Variants in PDE4D observed in about 807,000 individuals in gnomAD.
The protein encoded by PDE4D is phosphodiesterase 4D.
Under a neutral mutation model 87.4 loss-of-function variants are expected in PDE4D, and 24 were observed. The ratio of observed to expected loss-of-function variants is 0.27; its 90% CI spans 0.20 to 0.39. PDE4D has a LOEUF of 0.39. Ranked by LOEUF, PDE4D falls within the 10% of genes least tolerant of loss-of-function variation. The pLI, the probability that PDE4D is intolerant of heterozygous loss-of-function variation, is 1.00. For synonymous variants in PDE4D, 384 were observed against 383.2 expected, an observed-to-expected ratio of 1.00 and a Z score of -0.02; for missense variants, 714 against 1,041.0, an observed-to-expected ratio of 0.69 and a Z score of 4.32.
chr5:59,513,636 G>T (rs1256939978), intron 1 of PDE4D, among the ~76,000 whole-genome samples: 1 of 150,960 alleles, frequency 6.6e-6, no homozygotes, highest in Non-Finnish European at 1.5e-5. Context: ...ACGTAGCATA[G>T]AAAAAAAAAT....
intron 1 of PDE4D, among the ~76,000 whole-genome samples, chr5:59,832,488 A>G (rs545463804): frequency 8.5e-5 from 13 of 152,216 alleles, no homozygotes; most frequent in South Asian, 4.1e-4. Flanking sequence ...ACATTTACAC[A>G]CTGCCTAAAC....
intron 2 of PDE4D, among the ~76,000 whole-genome samples, chr5:60,095,184 T>C (rs1178184820): frequency 6.6e-6 from 1 of 152,160 alleles, no homozygotes; most frequent in Admixed American, 6.6e-5. Context: ...TTTCTCCTAA[T>C]GTTATCCTTC....
intron 1 of PDE4D, among the ~76,000 whole-genome samples, chr5:59,556,517 C>T (rs1423528463): frequency 6.6e-6 from 1 of 152,264 alleles, no homozygotes; most frequent in Admixed American, 6.5e-5. Context: ...TTGACTATTA[C>T]AGCACTCACT....
intron 5 of PDE4D, among the ~76,000 whole-genome samples, chr5:59,170,921 G>T (rs182886001): frequency 2.8e-4 from 35 of 125,096 alleles, no homozygotes; most frequent in Admixed American, 1.7e-3. Flanking sequence ...CTCTCTTGTT[G>T]CCCAGGCTAG....
At chr5:60,513,702 AG>A (rs1750673239) in intron 1 of PDE4D, among the ~76,000 whole-genome samples, 1 of 151,964 alleles carries the variant, frequency 6.6e-6, no homozygotes, top group Non-Finnish European at 1.5e-5. Context: ...TTTAGAAATT[AG>A]GTAATATATT....
Position 59,480,058 on chromosome 5 carries a change from A to C in PDE4D, c.456-264090T>G, listed in dbSNP as rs530768863. ...GATTGGTCTCTTGGTCTCCCAACTT[A>C]CAGGAGACATTTTTTGGAGGTTGTA... On this transcript the variant is annotated intron_variant, in intron 1 of 14. Transcript: ENST00000340635. 3.9e-5 allele frequency among the ~76,000 whole-genome samples: 6 copies of C among 152,088 alleles called. No individual in the cohort carries two copies. In the South Asian group the frequency reaches 1.2e-3, roughly 32 times the overall value.
chr5:59,443,265 G>GA (rs965716851), intron 1 of PDE4D, among the ~76,000 whole-genome samples: 2 of 151,738 alleles, frequency 1.3e-5, no homozygotes, highest in Admixed American at 1.3e-4. Flanking sequence ...CAGAATGCCT[G>GA]AAAAAAAATT....
intron 1 of PDE4D, among the ~76,000 whole-genome samples, chr5:59,708,298 C>T (rs1472523881): frequency 6.6e-6 from 1 of 151,918 alleles, no homozygotes; most frequent in African/African-American, 2.4e-5. Context: ...ACAAACCCCA[C>T]AGCTAGTAGA....
intron 2 of PDE4D, among the ~76,000 whole-genome samples, chr5:60,065,871 T>C (rs1459350088): frequency 2.0e-5 from 3 of 152,216 alleles, no homozygotes; most frequent in African/African-American, 7.2e-5. Context: ...TCTTTGCTAT[T>C]GTGAATAGTG....
rs1032880918 is a variant in PDE4D, at chr5:59,393,601, A to C, written c.456-177633T>G. Among the ~76,000 whole-genome samples the C allele has an allele frequency of 7.2e-5, 11 of 152,248 alleles. 1 individual carries two copies. The highest frequency in any genetic ancestry group is 2.1e-4 in the South Asian group (1 of 4,830). The stretch of plus-strand genomic sequence containing the variant: ...GTCTTACATTATAAATGACAACACC[A>C]ATATTTAGGGACGTTCCTCTTTTTT... On this transcript the variant is annotated intron_variant, in intron 1 of 14. Coordinates refer to ENST00000340635, the MANE Select transcript of PDE4D (RefSeq NM_001104631.2).
At chr5:59,797,769 G>A (rs998945158) in intron 1 of PDE4D, among the ~76,000 whole-genome samples, 1 of 152,050 alleles carries the variant, frequency 6.6e-6, no homozygotes, top group African/African-American at 2.4e-5. Flanking sequence ...TCTTCATAGG[G>A]ATTATTGGAG....
intron 5 of PDE4D, among the ~76,000 whole-genome samples, chr5:59,117,856 A>G (rs1029334956): frequency 2.0e-5 from 3 of 151,226 alleles, no homozygotes; most frequent in Non-Finnish European, 4.4e-5. Flanking sequence ...AAAAGGAGGA[A>G]GGAGAACTGG....
chr5:60,212,627 G>T (rs1326222100), intron 1 of PDE4D, among the ~76,000 whole-genome samples: 1 of 152,198 alleles, frequency 6.6e-6, no homozygotes, highest in African/African-American at 2.4e-5. Flanking sequence ...ACAGAGGGCA[G>T]ACAAGCAAAG....
chr5:59,022,128 T>C (rs1308893897), intron 6 of PDE4D, among the ~76,000 whole-genome samples: 1 of 152,220 alleles, frequency 6.6e-6, no homozygotes, highest in Non-Finnish European at 1.5e-5. Flanking sequence ...TCCCTCCATT[T>C]CTACAGCTGA....
intron 2 of PDE4D, among the ~76,000 whole-genome samples, chr5:60,144,702 T>G (rs1245286247): frequency 1.3e-5 from 2 of 152,212 alleles, no homozygotes; most frequent in Non-Finnish European, 2.9e-5. Flanking sequence ...AATCTTTCTC[T>G]CCTCTCTCAG....
intron 2 of PDE4D, among the ~76,000 whole-genome samples, chr5:60,099,467 G>A (rs1454080075): frequency 2.0e-5 from 3 of 151,716 alleles, no homozygotes; most frequent in Non-Finnish European, 4.4e-5. Context: ...TAAGGCAAAT[G>A]ATAAATGTCA....
chr5:60,511,051 C>A (rs1281779612), intron 1 of PDE4D, among the ~76,000 whole-genome samples: 1 of 152,110 alleles, frequency 6.6e-6, no homozygotes, highest in Non-Finnish European at 1.5e-5. Flanking sequence ...CTTACTGCAA[C>A]CTCCACCTCC....
At chr5:59,764,148 CTT>C (rs1230742919) in intron 1 of PDE4D, among the ~76,000 whole-genome samples, 1 of 152,148 alleles carries the variant, frequency 6.6e-6, no homozygotes, top group African/African-American at 2.4e-5. Flanking sequence ...TCTTTCAACT[CTT>C]GTCTCTTCAC....
intron 1 of PDE4D, among the ~76,000 whole-genome samples, chr5:59,748,835 T>C (rs1187669202): frequency 6.6e-6 from 1 of 152,160 alleles, no homozygotes; most frequent in Non-Finnish European, 1.5e-5. Flanking sequence ...ACCCAGCCCT[T>C]TGGAGAAGCA....
Sources: allele counts gnomAD v4.1 joint callset (sites outside exome capture counted in the v4.1 genomes callset), GRCh38; gene constraint gnomAD v4.1.1; transcripts MANE v1.5; gene names NCBI Gene and HGNC (gene_info 2026-07-23, HGNC 2026-07-21).